Variants in TRIM59 observed in about 807,000 individuals in gnomAD.
TRIM59 encodes the protein tripartite motif-containing protein 59.
A neutral mutation model predicts 32.2 loss-of-function variants in TRIM59; 14 were observed. That is an observed-to-expected ratio of 0.43 (90% CI 0.29 to 0.68). TRIM59 has a LOEUF of 0.68. TRIM59 is among the 30% of genes least tolerant of loss of function. The pLI, the probability that TRIM59 is intolerant of heterozygous loss-of-function variation, is 0.15. For missense variants in TRIM59, 471 were observed against 463.3 expected, an observed-to-expected ratio of 1.02 and a Z score of -0.15; for synonymous variants, 163 against 155.1, an observed-to-expected ratio of 1.05 and a Z score of -0.38.
In TRIM59 at chr3:160,436,397, T is replaced by C. The variant is rs946107939; in HGVS notation, c.*1575A>G. On this transcript the variant is annotated 3_prime_UTR_variant, in exon 3 of 3. Transcript: ENST00000309784. ...AAATCAACCTGCACTTAGAGTTGCATGGACAGTGGGCCAAAAGTCGTAACA... is the reference window on the plus strand; with the variant it reads ...AAATCAACCTGCACTTAGAGTTGCACGGACAGTGGGCCAAAAGTCGTAACA... 1.8e-5 allele frequency: 18 copies of C among 985,932 alleles called. No homozygotes were observed. In the African/African-American group the frequency reaches 2.1e-4, roughly 11 times the overall value. The allele number at this position is 985,932 out of a possible 1,614,324, so 61.1% of individuals were successfully genotyped here.
rs1279012249 is a variant in TRIM59, at chr3:160,437,849, T to C, written c.*123A>G. 3 of 1,307,516 alleles carry C rather than the reference T, an allele frequency of 2.3e-6. No homozygotes were observed. Among genetic ancestry groups the C allele is most frequent in the Non-Finnish European group, 1.9e-6 (2 of 1,027,704 alleles). The allele number at this position is 1,307,516 out of a possible 1,614,324, so 81.0% of individuals were successfully genotyped here. ...TGCTAACCAAAAGAAGCAACAAATATAAACATTTGTTTATATTAGTTGCAG... is the reference window on the plus strand; with the variant it reads ...TGCTAACCAAAAGAAGCAACAAATACAAACATTTGTTTATATTAGTTGCAG... On this transcript the variant is annotated 3_prime_UTR_variant, in exon 3 of 3. Transcript: ENST00000309784.
intron 2 of TRIM59, among the ~76,000 whole-genome samples, chr3:160,442,160 T>C (rs530275736): frequency 7.9e-5 from 12 of 152,356 alleles, no homozygotes; most frequent in African/African-American, 2.9e-4. Flanking sequence ...TTCAATTGTT[T>C]AAGTAGCAAA....
rs759848124 is a variant in TRIM59 at position 160,438,096 on chromosome 3, C to G, written c.1088G>C (p.Trp363Ser). Residue 363 changes from tryptophan to serine, a missense_variant, in exon 3 of 3, where the codon TGG becomes TCG. Physicochemically the swap from Trp to Ser is radical, Grantham distance 177. Coordinates refer to ENST00000309784, the MANE Select transcript of TRIM59 (RefSeq NM_173084.3). The stretch of plus-strand genomic sequence containing the variant: ...AACAGATAGAGAGGCTTCAGAAAAC[C>G]ATATTAAAGTGATTTCACTTAAAAA... The part of the protein sequence containing the change: ...ITFLSEITLI[W>S]FSEASLSVYQ... The G allele has an allele frequency of 6.2e-7, 1 of 1,612,390 alleles. No individual in the cohort carries two copies. The highest frequency in any genetic ancestry group is 8.5e-7 in the Non-Finnish European group (1 of 1,179,488).
At position 160,439,150 on chromosome 3, in the gene TRIM59, T is replaced by C; in HGVS notation, c.34A>G (p.Ile12Val). ...HNFEEELTCP[I>V]CYSIFEDPRV... is the part of the protein sequence containing the mutation. The stretch of plus-strand genomic sequence containing the variant: ...GGATCTTCAAAAATACTATAACATA[T>C]GGGACAAGTTAACTCTTCCTCAAAA... Residue 12 changes from isoleucine (I) to valine (V), a missense_variant, in exon 3 of 3, where the codon ATA becomes GTA. Physicochemically the swap from Ile to Val is conservative, Grantham distance 29. Transcript: ENST00000309784. 1.3e-6 allele frequency: 2 copies of C among 1,507,016 alleles called. No individual in the cohort carries two copies. Among genetic ancestry groups the C allele is most frequent in the Non-Finnish European group, 1.8e-6 (2 of 1,129,604 alleles). The allele number at this position is 1,507,016 out of a possible 1,614,324, so 93.4% of individuals were successfully genotyped here.
chr3:160,448,949 A>T (rs561539868), intron 1 of TRIM59, 154 bp from the exon 2 acceptor site: 22 of 356,282 alleles, frequency 6.2e-5, no homozygotes, highest in African/African-American at 4.8e-4. Context: ...CTGGAGCTGC[A>T]GTAGAGGTAT....
Position 160,437,548 on chromosome 3 carries a change from T to G in TRIM59, c.*424A>C. 1.0e-6 allele frequency: 1 copy of G among 986,270 alleles called. No homozygotes were observed. Among genetic ancestry groups the G allele is most frequent in the Non-Finnish European group, 1.2e-6 (1 of 830,580 alleles). The allele number at this position is 986,270 out of a possible 1,614,324, so 61.1% of individuals were successfully genotyped here. ...TGATTTTGAAACCTTTCTATCATCC[T>G]TATTCACCCATTCAAAAGCTTCAAG... On this transcript the variant is annotated 3_prime_UTR_variant, in exon 3 of 3. Coordinates refer to ENST00000309784, the MANE Select transcript of TRIM59 (RefSeq NM_173084.3).
At position 160,437,612 on chromosome 3, in the gene TRIM59, G is replaced by C. The variant is rs1719046748; in HGVS notation, c.*360C>G. 1 of 989,932 alleles carries C rather than the reference G, an allele frequency of 1.0e-6. No homozygotes were observed. The highest frequency in any genetic ancestry group is 1.2e-6 in the Non-Finnish European group (1 of 832,922). 61.3% of individuals were successfully genotyped at this position (989,932 alleles called of 1,614,324 possible). On this transcript the variant is annotated 3_prime_UTR_variant, in exon 3 of 3. Transcript: ENST00000309784. ...AAGGTATATGTTCTTTCAGGATTTT[G>C]CTATATATATAAAGAACTGTAAAGC...
At position 160,448,727 on chromosome 3, in the gene TRIM59, T is replaced by C; in HGVS notation, c.-5A>G. ...TATTTAATCTCCCAGATTACCTACT[T>C]TGTTGATCTCGTGGTTTGGGGGCTG... On this transcript the variant is annotated splice_region_variant and 5_prime_UTR_variant, in exon 2 of 3. Transcript: ENST00000309784. 3 of 1,279,688 alleles carry C rather than the reference T, an allele frequency of 2.3e-6. No individual in the cohort carries two copies. Among genetic ancestry groups the C allele is most frequent in the Non-Finnish European group, 3.1e-6 (3 of 981,940 alleles). 79.3% of individuals were successfully genotyped at this position (1,279,688 alleles called of 1,614,324 possible).
rs947851435 is a variant in TRIM59, at chr3:160,437,440, G to C, written c.*532C>G. 1.0e-6 allele frequency: 1 copy of C among 985,122 alleles called. No homozygotes were observed. The highest frequency in any genetic ancestry group is 1.7e-5 in the African/African-American group (1 of 57,196). 61.0% of individuals were successfully genotyped at this position (985,122 alleles called of 1,614,324 possible). On this transcript the variant is annotated 3_prime_UTR_variant, in exon 3 of 3. Transcript: ENST00000309784. ...GGAGTGAATGGTGATAAGCATTTAG[G>C]GCTCTTAAATCTATCTCAAACACAG... is the stretch of plus-strand genomic sequence containing the variant.
At chr3:160,445,008 G>A (rs891533723) in intron 2 of TRIM59, among the ~76,000 whole-genome samples, 1 of 150,038 alleles carries the variant, frequency 6.7e-6, no homozygotes, top group Non-Finnish European at 1.5e-5. Flanking sequence ...AAAATCTACA[G>A]AGCTAAAAAA....
Position 160,438,950 on chromosome 3 carries a change from T to G in TRIM59, c.234A>C (p.Ala78=). 1 of 1,614,126 alleles carries G rather than the reference T, an allele frequency of 6.2e-7. No homozygotes were observed. Among genetic ancestry groups the G allele is most frequent in the Non-Finnish European group, 8.5e-7 (1 of 1,180,002 alleles). Residue 78 remains alanine (A), a synonymous_variant, in exon 3 of 3, where the codon GCA becomes GCC. Transcript: ENST00000309784. ...TGIESLPVNF[A]LRAIIEKYQQ... is the part of the protein sequence containing the mutation. ...GGTACTTTTCAATAATAGCCCTTAG[T>G]GCAAAATTAACAGGTAAAGATTCAA...
intron 1 of TRIM59, chr3:160,449,494 C>T (rs1719708147): frequency 8.3e-7 from 1 of 1,205,090 alleles, no homozygotes. Flanking sequence ...AGAGGGCCTC[C>T]TCCCTCACAG....
Position 160,436,584 on chromosome 3 carries a change from G to A in TRIM59, c.*1388C>T. The A allele has an allele frequency of 1.1e-6, 1 of 909,686 alleles. No individual in the cohort carries two copies. The highest frequency in any genetic ancestry group is 5.1e-5 in the South Asian group (1 of 19,760). The allele number at this position is 909,686 out of a possible 1,614,324, so 56.4% of individuals were successfully genotyped here. ...GAGGCTGAGGCGAGTGGATCATGAG[G>A]TCAGGAGATAGAGACCATCCTGGCT... is the stretch of plus-strand genomic sequence containing the variant. On this transcript the variant is annotated 3_prime_UTR_variant, in exon 3 of 3. Coordinates refer to ENST00000309784, the MANE Select transcript of TRIM59 (RefSeq NM_173084.3).
At chr3:160,449,649 T>G in intron 1 of TRIM59, 68 bp downstream of exon 1, 1 of 1,289,922 alleles carries the variant, frequency 7.8e-7, no homozygotes, top group South Asian at 1.2e-5. Flanking sequence ...CACACCAGAC[T>G]GTGCTACAGG....
In TRIM59 at chr3:160,437,090, G is replaced by A. The variant is rs1252128383; in HGVS notation, c.*882C>T. 3.8e-5 allele frequency: 37 copies of A among 983,288 alleles called. No homozygotes were observed. Among genetic ancestry groups the A allele is most frequent in the South Asian group, 4.7e-5 (1 of 21,236 alleles). 60.9% of individuals were successfully genotyped at this position (983,288 alleles called of 1,614,324 possible). A position where few individuals can be genotyped will look rare whatever the true frequency, so the allele number is the denominator to read the frequency against. On this transcript the variant is annotated 3_prime_UTR_variant, in exon 3 of 3. Transcript: ENST00000309784. ...GGCCCCCAGGCACAGTGTGGCTAAC[G>A]TCTGTAATCCCAGCACTTTGGGAGG...
At chr3:160,446,778 T>TA (rs1232605994) in intron 2 of TRIM59, among the ~76,000 whole-genome samples, 2 of 152,190 alleles carry the variant, frequency 1.3e-5, no homozygotes, top group African/African-American at 4.8e-5. Flanking sequence ...GTGTCAGCAT[T>TA]AGATTCTCAT....
intron 2 of TRIM59, among the ~76,000 whole-genome samples, chr3:160,446,814 G>A (rs1719559997): frequency 6.6e-6 from 1 of 152,198 alleles, no homozygotes; most frequent in Non-Finnish European, 1.5e-5. Context: ...ACTGTGAACT[G>A]CGCACGCGAG....
Position 160,441,385 on chromosome 3 carries a change from G to GGTTTTTT in TRIM59, c.-3-2206_-3-2200dup, listed in dbSNP as rs536860256. ...GTGTTAATACAGATTTTTGTTTTGG[G>GGTTTTTT]GTTTTTTGTTTTTTGTTTTTTTAAT... is the stretch of plus-strand genomic sequence containing the variant. On this transcript the variant is annotated intron_variant, in intron 2 of 2. Transcript: ENST00000309784. 1.7e-3 allele frequency among the ~76,000 whole-genome samples: 253 copies of GGTTTTTT among 152,128 alleles called. 1 individual carries two copies. Among genetic ancestry groups the GGTTTTTT allele is most frequent in the African/African-American group, 5.8e-3 (239 of 41,496 alleles).
Position 160,449,756 on chromosome 3 carries a change from A to C in TRIM59, c.-113T>G. ...GGACCAGGCAACTCCACAGCACGGA[A>C]ACACAGCGCCACGAGCTCCAGGCGG... On this transcript the variant is annotated 5_prime_UTR_variant, in exon 1 of 3. Coordinates refer to ENST00000309784, the MANE Select transcript of TRIM59 (RefSeq NM_173084.3). 7.8e-7 allele frequency: 1 copy of C among 1,286,540 alleles called. No homozygotes were observed. The highest frequency in any genetic ancestry group is 1.0e-6 in the Non-Finnish European group (1 of 985,922). 79.7% of individuals were successfully genotyped at this position (1,286,540 alleles called of 1,614,324 possible).
Sources: gnomAD v4.1 joint callset for allele counts (sites outside exome capture counted in the v4.1 genomes callset) on GRCh38, gnomAD v4.1.1 for gene constraint, MANE v1.5 for transcripts, NCBI Gene and HGNC (gene_info 2026-07-23, HGNC 2026-07-21) for gene names.